SCAF8: variants seen among roughly 807,000 people sequenced by gnomAD.
SCAF8 encodes the protein SR-related CTD associated factor 8.
Under a neutral mutation model 140.5 loss-of-function variants are expected in SCAF8, and 23 were observed. The observed-to-expected ratio is 0.16, with a 90% CI of 0.12 to 0.23. The LOEUF is 0.23. SCAF8 is among the 10% of genes least tolerant of loss of function. SCAF8 has a pLI of 1.00. For synonymous variants in SCAF8, 575 were observed against 528.9 expected (o/e 1.09, Z -1.20); for missense variants, 1,397 against 1,555.7 (o/e 0.90, Z 1.72).
At chr6:154,739,142 T>G (rs1004189521) in intron 1 of SCAF8, among the ~76,000 whole-genome samples, 1 of 152,150 alleles carries the variant, frequency 6.6e-6, no homozygotes, top group Non-Finnish European at 1.5e-5. Context: ...TGTGCCACTA[T>G]GCACACCTAA....
At chr6:154,817,424 A>G (rs887781010) in intron 13 of SCAF8, among the ~76,000 whole-genome samples, 4 of 152,218 alleles carry the variant, frequency 2.6e-5, no homozygotes, top group African/African-American at 9.6e-5. Flanking sequence ...CTTATAAATA[A>G]TAAGCACTAA....
chr6:154,774,932 C>T (rs528875563), intron 2 of SCAF8, among the ~76,000 whole-genome samples: 1 of 152,088 alleles, frequency 6.6e-6, no homozygotes, highest in African/African-American at 2.4e-5. Flanking sequence ...ATTAGTAGGC[C>T]TCTTAAAATT....
intron 3 of SCAF8, among the ~76,000 whole-genome samples, chr6:154,787,611 CTTTGT>C (rs1002570087): frequency 2.6e-5 from 4 of 152,076 alleles, no homozygotes; most frequent in Non-Finnish European, 4.4e-5. Flanking sequence ...TTATTTATCA[CTTTGT>C]TTTATGTCAT....
intron 16 of SCAF8, among the ~76,000 whole-genome samples, chr6:154,823,537 C>T (rs1017187894): frequency 6.6e-6 from 1 of 151,978 alleles, no homozygotes; most frequent in African/African-American, 2.4e-5. Context: ...TTGCCTGGTA[C>T]GATTGGATTT....
rs769424710 is a variant in SCAF8, at chr6:154,832,164, T to G, written c.2585T>G (p.Val862Gly). 1.2e-6 allele frequency: 2 copies of G among 1,614,130 alleles called. No individual in the cohort carries two copies. Among genetic ancestry groups the G allele is most frequent in the Admixed American group, 3.3e-5 (2 of 60,006 alleles). ...SGILGIQPPS[V>G]SNSSGLLGVL... ...ATATTGGGAATACAGCCACCCAGTG[T>G]GTCAAATAGTTCTGGACTTTTGGGA... Residue 862 changes from valine (V) to glycine (G), a missense_variant, in exon 20 of 20, where the codon GTG (valine) becomes GGG (glycine). By Grantham distance (109) the Val-to-Gly change is moderately radical (BLOSUM62 -3). This residue lies in a region of SCAF8 where 930 missense variants were observed against 874.6 expected (regional missense o/e 1.06). Transcript: ENST00000367178.
chr6:154,811,808 G>A (rs1778099992), intron 12 of SCAF8, among the ~76,000 whole-genome samples: 1 of 151,398 alleles, frequency 6.6e-6, no homozygotes, highest in Non-Finnish European at 1.5e-5. Flanking sequence ...CTGTCCTTGT[G>A]ATAGTTTGCT....
chr6:154,770,388 A>ACTCTCTCTCTCTCTCTCTCTCTCTCT (rs58596375), intron 1 of SCAF8, among the ~76,000 whole-genome samples: 4 of 141,998 alleles, frequency 2.8e-5, no homozygotes, highest in African/African-American at 1.0e-4. Context: ...ACACACACAC[A>ACTCTCTCTCTCTCTCTCTCTCTCTCT]CTCTCTCTCT....
At chr6:154,745,375 A>C (rs1778673165) in intron 1 of SCAF8, among the ~76,000 whole-genome samples, 1 of 151,984 alleles carries the variant, frequency 6.6e-6, no homozygotes, top group Non-Finnish European at 1.5e-5. Flanking sequence ...GCTTTTGTTT[A>C]TTATTTTTTT....
At chr6:154,796,280 T>C (rs184898832) in intron 6 of SCAF8, among the ~76,000 whole-genome samples, 1 of 152,068 alleles carries the variant, frequency 6.6e-6, no homozygotes, top group African/African-American at 2.4e-5. Context: ...GATTAAAAAT[T>C]TTATTAGTGA....
At chr6:154,780,567 C>A (rs570427610) in intron 3 of SCAF8, among the ~76,000 whole-genome samples, 32 of 152,044 alleles carry the variant, frequency 2.1e-4, no homozygotes, top group Non-Finnish European at 4.1e-4. Flanking sequence ...GTTCCCCTCC[C>A]TGTGTCCATG....
In SCAF8 at chr6:154,770,609, T is replaced by C. The variant is rs563225768; in HGVS notation, c.31-3380T>C. ...AAAAAAAAAATTCTTAGAAAGTATG[T>C]GATGGGATCCTAATTCTTGTCGACC... On this transcript the variant is annotated intron_variant, in intron 1 of 19. Transcript: ENST00000367178. Among the ~76,000 whole-genome samples, 353 of 152,236 alleles carry C rather than the reference T, an allele frequency of 2.3e-3. 1 individual carries two copies. The highest frequency in any genetic ancestry group is 8.3e-3 in the African/African-American group (343 of 41,550).
In SCAF8 at chr6:154,815,790, G is replaced by A; in HGVS notation, c.1495G>A (p.Glu499Lys). ...TQQDLTNLFE[E>K]FGQIESINMI... ...GCAAGACTTAACCAACCTGTTTGAAGAGTTTGGACAGATTGAATCCATTAA... is the reference window on the plus strand; with the variant it reads ...GCAAGACTTAACCAACCTGTTTGAAAAGTTTGGACAGATTGAATCCATTAA... The change falls in exon 13 of 20, where the codon GAG becomes AAG. Residue 499 changes from glutamate (E) to lysine (K), a missense_variant. Around this residue, in one of 5 missense-constraint regions of SCAF8, gnomAD observed 59 missense variants for 110.7 expected, o/e 0.53. Transcript: ENST00000367178. The A allele has an allele frequency of 6.2e-7, 1 of 1,611,648 alleles. No homozygotes were observed. Among genetic ancestry groups the A allele is most frequent in the Non-Finnish European group, 8.5e-7 (1 of 1,178,162 alleles).
At chr6:154,803,182 C>T (rs1406461282) in intron 7 of SCAF8, among the ~76,000 whole-genome samples, 1 of 152,072 alleles carries the variant, frequency 6.6e-6, no homozygotes, top group African/African-American at 2.4e-5. Flanking sequence ...TAACAGCATT[C>T]TAAGATGAGA....
At chr6:154,808,261 A>T in intron 10 of SCAF8, 60 bp downstream of exon 10, 2 of 1,495,000 alleles carry the variant, frequency 1.3e-6, no homozygotes, top group Non-Finnish European at 1.9e-6. Context: ...AAATCATAAA[A>T]TATTTTATAC....
rs2114677831 is a variant in SCAF8 at position 154,822,395 on chromosome 6, G to A, written c.1912G>A (p.Val638Ile). The change falls in exon 16 of 20, where the codon GTT becomes ATT. Residue 638 changes from valine to isoleucine, a missense_variant. By Grantham distance (29) the Val-to-Ile change is conservative (BLOSUM62 3). Coordinates refer to ENST00000367178, the MANE Select transcript of SCAF8 (RefSeq NM_014892.5). ...TTQAEVFPPP[V>I]AMLQIPVAPA... ...CCAGGCAGAGGTTTTCCCTCCTCCT[G>A]TTGCTATGTTGCAGGTTAGTGTTGA... 2 of 1,610,888 alleles carry A rather than the reference G, an allele frequency of 1.2e-6. No homozygotes were observed. Among genetic ancestry groups the A allele is most frequent in the Non-Finnish European group, 1.7e-6 (2 of 1,178,688 alleles).
At chr6:154,756,845 A>G (rs1197998123) in intron 1 of SCAF8, among the ~76,000 whole-genome samples, 1 of 152,026 alleles carries the variant, frequency 6.6e-6, no homozygotes, top group Non-Finnish European at 1.5e-5. Flanking sequence ...CCTGGACAAC[A>G]TAACGAAACC....
chr6:154,793,408 A>T (rs562159266), intron 5 of SCAF8, among the ~76,000 whole-genome samples: 97 of 152,056 alleles, frequency 6.4e-4, no homozygotes, highest in South Asian at 2.9e-3. Flanking sequence ...ATGATAAAAA[A>T]TTTTTATCAA....
intron 1 of SCAF8, among the ~76,000 whole-genome samples, chr6:154,769,146 A>G (rs1776666381): frequency 6.6e-6 from 1 of 152,040 alleles, no homozygotes; most frequent in Non-Finnish European, 1.5e-5. Flanking sequence ...GACTGTATTA[A>G]GTGAGCATTT....
intron 3 of SCAF8, among the ~76,000 whole-genome samples, chr6:154,785,608 T>C (rs1204983361): frequency 1.3e-5 from 2 of 152,206 alleles, no homozygotes; most frequent in Non-Finnish European, 2.9e-5. Context: ...TTTCTACCAC[T>C]CTAGCTTTGT....
Sources: gnomAD v4.1 joint callset for allele counts (sites outside exome capture counted in the v4.1 genomes callset) on GRCh38, gnomAD v4.1.1 for gene constraint, gnomAD v4.1.1 regional missense constraint, MANE v1.5 for transcripts, NCBI Gene and HGNC (gene_info 2026-07-23, HGNC 2026-07-21) for gene names.